Variants in FBXL7 observed in about 807,000 individuals in gnomAD.
FBXL7 encodes the protein F-box/LRR-repeat protein 7.
Under a neutral mutation model 38.3 loss-of-function variants are expected in FBXL7, and 12 were observed. The observed-to-expected ratio is 0.31, with a 90% CI of 0.20 to 0.51. The LOEUF (loss-of-function observed/expected upper bound fraction) is 0.51, where lower values mean the gene tolerates loss of function less well. FBXL7 is among the 20% of genes least tolerant of loss of function. The pLI, the probability that FBXL7 is intolerant of heterozygous loss-of-function variation, is 0.98. For synonymous variants in FBXL7, 297 were observed against 300.9 expected, an observed-to-expected ratio of 0.99 and a Z score of 0.13; for missense variants, 567 against 676.4, an observed-to-expected ratio of 0.84 and a Z score of 1.79.
chr5:15,581,379 C>A (rs1380073226), intron 1 of FBXL7, among the ~76,000 whole-genome samples: 1 of 152,158 alleles, frequency 6.6e-6, no homozygotes, highest in Non-Finnish European at 1.5e-5. Context: ...ACCCCTCACC[C>A]CCGGGCTGTG....
intron 2 of FBXL7, among the ~76,000 whole-genome samples, chr5:15,621,411 A>AT (rs1313383413): frequency 6.6e-6 from 1 of 151,674 alleles, no homozygotes; most frequent in Non-Finnish European, 1.5e-5. Flanking sequence ...TCTCTTTCAT[A>AT]TTTTTCAGTC....
intron 2 of FBXL7, among the ~76,000 whole-genome samples, chr5:15,906,659 C>T (rs1741376325): frequency 9.8e-6 from 1 of 102,004 alleles, no homozygotes; most frequent in Admixed American, 1.1e-4. Context: ...AATGCTATCC[C>T]TCCCCCCTCC....
At chr5:15,556,098 CCTAT>C (rs1045287637) in intron 1 of FBXL7, among the ~76,000 whole-genome samples, 12 of 93,518 alleles carry the variant, frequency 1.3e-4, no homozygotes, top group South Asian at 3.3e-4. Context: ...TATCTATCTA[CCTAT>C]CTATCTATCT....
chr5:15,531,260 C>A (rs1276145577), intron 1 of FBXL7, among the ~76,000 whole-genome samples: 1 of 152,090 alleles, frequency 6.6e-6, no homozygotes, highest in Non-Finnish European at 1.5e-5. Flanking sequence ...TAAACCAGAT[C>A]TATTTGTAAA....
chr5:15,798,337 T>C (rs533119673), intron 2 of FBXL7, among the ~76,000 whole-genome samples: 1 of 152,340 alleles, frequency 6.6e-6, no homozygotes, highest in African/African-American at 2.4e-5. Context: ...AAGCCACTTA[T>C]ACACTCTACT....
chr5:15,697,589 A>G lies in FBXL7; in HGVS notation c.127+81517A>G, dbSNP rs1743380659. Among the ~76,000 whole-genome samples, 3 of 151,880 alleles carry G rather than the reference A, an allele frequency of 2.0e-5. No homozygotes were observed. The South Asian group carries it at 6.2e-4, about 32-fold the overall frequency. ...TCTGCATTCTAGATTCAAGGAGACA[A>G]ATTGGGAGTGGAAGGAGTGAGAACA... is the stretch of plus-strand genomic sequence containing the variant. On this transcript the variant is annotated intron_variant, in intron 2 of 3. Transcript: ENST00000504595.
chr5:15,857,080 C>T (rs1210238723), intron 2 of FBXL7, among the ~76,000 whole-genome samples: 1 of 152,138 alleles, frequency 6.6e-6, no homozygotes. Context: ...CCAATTTATA[C>T]TCCCATGGCA....
chr5:15,565,066 A>T lies in FBXL7; in HGVS notation c.38-50917A>T, dbSNP rs185347804. 3.2e-4 allele frequency among the ~76,000 whole-genome samples: 49 copies of T among 152,228 alleles called. No individual in the cohort carries two copies. The East Asian group carries it at 7.9e-3, about 25-fold the overall frequency. On this transcript the variant is annotated intron_variant, in intron 1 of 3. Coordinates refer to ENST00000504595, the MANE Select transcript of FBXL7 (RefSeq NM_012304.5). ...GCTGCTATTAAAATAATAGTAATAA[A>T]AGTAGATTTTCCTGTTTTAGAAAGA... is the stretch of plus-strand genomic sequence containing the variant.
chr5:15,918,178 G>A (rs1741649094), intron 2 of FBXL7, among the ~76,000 whole-genome samples: 1 of 152,176 alleles, frequency 6.6e-6, no homozygotes, highest in Non-Finnish European at 1.5e-5. Flanking sequence ...GGCAGAGGTT[G>A]CAATGAGCTG....
At chr5:15,654,658 G>C (rs1741818152) in intron 2 of FBXL7, among the ~76,000 whole-genome samples, 1 of 152,120 alleles carries the variant, frequency 6.6e-6, no homozygotes, top group African/African-American at 2.4e-5. Context: ...CTCTGAAACA[G>C]AGAAACTTCC....
At chr5:15,867,902 A>G (rs1218737696) in intron 2 of FBXL7, among the ~76,000 whole-genome samples, 1 of 152,086 alleles carries the variant, frequency 6.6e-6, no homozygotes, top group Non-Finnish European at 1.5e-5. Context: ...TCAAGAGATC[A>G]AGACCATCCT....
intron 2 of FBXL7, among the ~76,000 whole-genome samples, chr5:15,676,231 A>G (rs1433073986): frequency 6.6e-6 from 1 of 152,184 alleles, no homozygotes; most frequent in African/African-American, 2.4e-5. Flanking sequence ...CAGCTCTAAA[A>G]TTCTATCTAA....
chr5:15,662,020 T>A (rs904483808), intron 2 of FBXL7, among the ~76,000 whole-genome samples: 1 of 152,224 alleles, frequency 6.6e-6, no homozygotes, highest in African/African-American at 2.4e-5. Context: ...TATGCTAGAA[T>A]GATTTATATT....
At chr5:15,898,985 ATGTG>A (rs1579585652) in intron 2 of FBXL7, among the ~76,000 whole-genome samples, 1 of 152,164 alleles carries the variant, frequency 6.6e-6, no homozygotes, top group Non-Finnish European at 1.5e-5. Context: ...TATAATATAA[ATGTG>A]TGTGAGATAT....
chr5:15,531,686 G>A (rs547388046), intron 1 of FBXL7, among the ~76,000 whole-genome samples: 4 of 152,070 alleles, frequency 2.6e-5, no homozygotes, highest in South Asian at 2.1e-4. Context: ...TAAAAGTTTC[G>A]CTCAGGATTT....
At chr5:15,671,950 T>A (rs1295598146) in intron 2 of FBXL7, among the ~76,000 whole-genome samples, 1 of 152,204 alleles carries the variant, frequency 6.6e-6, no homozygotes, top group African/African-American at 2.4e-5. Context: ...AACAAAAGAA[T>A]GTTAAATGTT....
intron 2 of FBXL7, among the ~76,000 whole-genome samples, chr5:15,915,582 G>A (rs966814378): frequency 3.9e-5 from 6 of 152,132 alleles, no homozygotes; most frequent in East Asian, 3.9e-4. Context: ...AACCTAATAC[G>A]TCAATAGACC....
intron 2 of FBXL7, among the ~76,000 whole-genome samples, chr5:15,637,731 A>G (rs1741231141): frequency 6.6e-6 from 1 of 152,248 alleles, no homozygotes; most frequent in African/African-American, 2.4e-5. Context: ...GAGAATGCAA[A>G]TAATTTGCAC....
chr5:15,764,584 G>A (rs1561117529), intron 2 of FBXL7, among the ~76,000 whole-genome samples: 2 of 152,324 alleles, frequency 1.3e-5, no homozygotes, highest in East Asian at 1.9e-4. Context: ...GGGGGCTTAA[G>A]AACAGGAGCA....
Sources: gnomAD v4.1 joint callset for allele counts (sites outside exome capture counted in the v4.1 genomes callset) on GRCh38, gnomAD v4.1.1 for gene constraint, MANE v1.5 for transcripts, NCBI Gene and HGNC (gene_info 2026-07-23, HGNC 2026-07-21) for gene names.